ARHGAP22: variants seen among roughly 807,000 people sequenced by gnomAD.
ARHGAP22 encodes Rho GTPase activating protein 22.
In ARHGAP22, 48 loss-of-function variants were observed where a neutral mutation model predicts 59.1. The ratio of observed to expected loss-of-function variants is 0.81; its 90% CI spans 0.64 to 1.03. The LOEUF (loss-of-function observed/expected upper bound fraction) is 1.03, where lower values mean the gene tolerates loss of function less well. ARHGAP22 is among the 50% of genes least tolerant of loss of function. ARHGAP22 has a pLI of 0.00. For missense variants in ARHGAP22, 1,015 were observed against 958.7 expected (o/e 1.06, Z -0.78); for synonymous variants, 445 against 416.4 (o/e 1.07, Z -0.84).
At chr10:48,534,968 G>T (rs1024931328) in intron 3 of ARHGAP22, among the ~76,000 whole-genome samples, 8 of 152,172 alleles carry the variant, frequency 5.3e-5, no homozygotes, top group Admixed American at 2.0e-4. Context: ...TATAGAACAT[G>T]AGACCCTGTA....
At chr10:48,508,973 T>C (rs2052459373) in intron 3 of ARHGAP22, among the ~76,000 whole-genome samples, 1 of 152,212 alleles carries the variant, frequency 6.6e-6, no homozygotes, top group Non-Finnish European at 1.5e-5. Context: ...GATACCACTG[T>C]TATCTAATGG....
Position 48,450,842 on chromosome 10 carries a change from C to T in ARHGAP22, c.1287G>A (p.Lys429=). 6.3e-7 allele frequency: 1 copy of T among 1,590,338 alleles called. No individual in the cohort carries two copies. The highest frequency in any genetic ancestry group is 1.3e-5 in the African/African-American group (1 of 74,584). ...GGGACCTCGGCTGCCGGAAGGAGGA[C>T]TTCCAACTGGGCAGGGTCTGCACCT... ...GKKVQTLPSW[K]SSFRQPRSLS... The change falls in exon 9 of 10, where the codon AAG becomes AAA. Residue 429 remains lysine (K), a synonymous_variant. Transcript: ENST00000249601.
chr10:48,487,730 G>C (rs1194312042), intron 3 of ARHGAP22, among the ~76,000 whole-genome samples: 1 of 152,130 alleles, frequency 6.6e-6, no homozygotes, highest in Non-Finnish European at 1.5e-5. Context: ...AGAACCATAA[G>C]GTAAATTTGC....
chr10:48,619,341 G>A (rs2061202372), intron 1 of ARHGAP22, among the ~76,000 whole-genome samples: 1 of 152,060 alleles, frequency 6.6e-6, no homozygotes, highest in South Asian at 2.1e-4. Context: ...TGGAAAAAAT[G>A]AGCCCAAAAT....
At position 48,450,893 on chromosome 10, in the gene ARHGAP22, C is replaced by T. The variant is rs769993569; in HGVS notation, c.1236G>A (p.Pro412=). Residue 412 remains proline, a synonymous_variant, in exon 9 of 10, where the codon CCG becomes CCA. Transcript: ENST00000249601. The stretch of plus-strand genomic sequence containing the variant: ...TCTTCCCAGGGCTGCACCGGCTCCC[C>T]GGCCCCGTGGGGGCTGTTCTGGAGA... The part of the protein sequence containing the change: ...AVLSRTAPTG[P]GSRCSPGKKV... 6.3e-7 allele frequency: 1 copy of T among 1,588,298 alleles called. No individual in the cohort carries two copies. Among genetic ancestry groups the T allele is most frequent in the African/African-American group, 1.3e-5 (1 of 74,354 alleles).
At chr10:48,552,267 G>A (rs1251965054) in intron 3 of ARHGAP22, among the ~76,000 whole-genome samples, 3 of 152,280 alleles carry the variant, frequency 2.0e-5, no homozygotes, top group Admixed American at 6.5e-5. Flanking sequence ...CAGTACCACA[G>A]GCCAGCACAG....
chr10:48,479,449 G>T, intron 4 of ARHGAP22, 187 bp downstream of exon 4: 1 of 1,001,058 alleles, frequency 1.0e-6, no homozygotes, highest in African/African-American at 1.6e-5. Context: ...AGGAGGAAGT[G>T]AGTACACGGC....
intron 1 of ARHGAP22, among the ~76,000 whole-genome samples, chr10:48,590,302 G>GT (rs2059673852): frequency 1.3e-5 from 2 of 152,216 alleles, no homozygotes; most frequent in South Asian, 2.1e-4. Flanking sequence ...TGTGGAGGCT[G>GT]TGGGTGAGGG....
chr10:48,654,773 ACTTTCTTTCTTTCTTTCTTTCTTTCTTT>A (rs201340687), upstream of ARHGAP22, among the ~76,000 whole-genome samples: 36 of 112,264 alleles, frequency 3.2e-4, no homozygotes, highest in South Asian at 3.2e-4. Context: ...CATGCTGATT[ACTTTCTTTCTTTCTTTCTTTCTTTCTTT>A]CTTTCTTTCT....
intron 2 of ARHGAP22, among the ~76,000 whole-genome samples, chr10:48,555,763 T>C (rs968906241): frequency 6.6e-6 from 1 of 152,178 alleles, no homozygotes; most frequent in Non-Finnish European, 1.5e-5. Context: ...CACTGTAGTC[T>C]GCATACATGA....
intron 3 of ARHGAP22, among the ~76,000 whole-genome samples, chr10:48,553,575 G>T (rs2057072386): frequency 6.6e-6 from 1 of 152,200 alleles, no homozygotes; most frequent in African/African-American, 2.4e-5. Context: ...GTCTGTTTTT[G>T]TACAATAGGT....
At chr10:48,553,334 G>T (rs1165333072) in intron 3 of ARHGAP22, among the ~76,000 whole-genome samples, 2 of 152,246 alleles carry the variant, frequency 1.3e-5, no homozygotes, top group Non-Finnish European at 2.9e-5. Context: ...AACCTGATGC[G>T]CAGGCAGGCT....
chr10:48,510,465 G>C (rs549106615), intron 3 of ARHGAP22: 1 of 151,926 alleles, frequency 6.6e-6, no homozygotes, highest in East Asian at 1.9e-4. Flanking sequence ...AGCGGTGCCT[G>C]ACCCCACCCC....
chr10:48,567,233 T>C (rs2058100850), intron 2 of ARHGAP22, among the ~76,000 whole-genome samples: 1 of 152,220 alleles, frequency 6.6e-6, no homozygotes, highest in Non-Finnish European at 1.5e-5. Flanking sequence ...GAAGACCCTG[T>C]GGTTGAGGCT....
intron 2 of ARHGAP22, among the ~76,000 whole-genome samples, chr10:48,560,025 C>T (rs1457199686): frequency 2.0e-5 from 3 of 152,178 alleles, no homozygotes; most frequent in Non-Finnish European, 4.4e-5. Context: ...TATGCCTGTC[C>T]TAATCCCTGG....
intron 1 of ARHGAP22, among the ~76,000 whole-genome samples, chr10:48,631,035 C>T (rs1263003293): frequency 6.6e-6 from 1 of 152,170 alleles, no homozygotes; most frequent in Non-Finnish European, 1.5e-5. Context: ...TTCATATGAT[C>T]ATATGATTTT....
At chr10:48,435,373 C>T in the ARHGAP22 span, 2 of 193,198 alleles carry the variant, frequency 1.0e-5, no homozygotes, top group South Asian at 1.8e-4. Context: ...ATCAAAGCAA[C>T]TATTATGTGG....
At chr10:48,563,187 A>ATT (rs558735630) in intron 2 of ARHGAP22, among the ~76,000 whole-genome samples, 17 of 104,224 alleles carry the variant, frequency 1.6e-4, no homozygotes, top group African/African-American at 5.5e-4. Context: ...ATCCAGGATA[A>ATT]TTTTTTTTTT....
chr10:48,618,211 A>G (rs573134214), intron 1 of ARHGAP22, among the ~76,000 whole-genome samples: 8 of 152,202 alleles, frequency 5.3e-5, no homozygotes, highest in African/African-American at 1.9e-4. Flanking sequence ...CTGTAATTAA[A>G]TGTCTCCCAT....
Sources: allele counts gnomAD v4.1 joint callset (sites outside exome capture counted in the v4.1 genomes callset), GRCh38; gene constraint gnomAD v4.1.1; transcripts MANE v1.5; gene names NCBI Gene and HGNC (gene_info 2026-07-23, HGNC 2026-07-21).